The following SF3A2 variants were observed in gnomAD, a reference collection of about 807,000 sequenced individuals.
SF3A2 encodes splicing factor 3a subunit 2.
Under a neutral mutation model 31.1 loss-of-function variants are expected in SF3A2, and 5 were observed. The observed-to-expected ratio is 0.16, with a 90% CI of 0.08 to 0.34. SF3A2 has a LOEUF of 0.34. Among genes scored for constraint, SF3A2 ranks in the 10% least tolerant of loss-of-function variants. The probability of loss-of-function intolerance (pLI) is 1.00; values close to 1 mark genes in which losing one functional copy is unlikely to be tolerated. For synonymous variants in SF3A2, 365 were observed against 263.7 expected (o/e 1.38, Z -3.72); for missense variants, 577 against 643.9 (o/e 0.90, Z 1.13).
intron 1 of SF3A2, among the ~76,000 whole-genome samples, chr19:2,242,812 G>A (rs1177602438): frequency 6.6e-6 from 1 of 152,146 alleles, no homozygotes; most frequent in Admixed American, 6.5e-5. Flanking sequence ...AGCCCCCTGC[G>A]CCACAAGCAG....
rs989296786 is a variant in SF3A2 at position 2,244,447 on chromosome 19, C to T, written c.127-97C>T. 9 of 929,606 alleles carry T rather than the reference C, an allele frequency of 9.7e-6. No individual in the cohort carries two copies. In the African/African-American group the frequency reaches 1.3e-4, roughly 14 times the overall value. 57.6% of individuals were successfully genotyped at this position (929,606 alleles called of 1,614,324 possible). On this transcript the variant is annotated intron_variant, in intron 2 of 8. Coordinates refer to ENST00000221494, the MANE Select transcript of SF3A2 (RefSeq NM_007165.5). Reference sequence around the variant, plus strand: ...TGCCTCTACAGAAGGGGGGTTCTGCCTCCATGCCTCTACAGAAAGGGGATC... The same window carrying T: ...TGCCTCTACAGAAGGGGGGTTCTGCTTCCATGCCTCTACAGAAAGGGGATC...
At chr19:2,239,641 TTTC>T (rs1469830151) in intron 1 of SF3A2, among the ~76,000 whole-genome samples, 1 of 152,158 alleles carries the variant, frequency 6.6e-6, no homozygotes, top group Non-Finnish European at 1.5e-5. Context: ...TGTTTTTAAT[TTTC>T]TTGCTAATGT....
chr19:2,247,498 G>A (rs2024949499), intron 7 of SF3A2, 96 bp from the exon 8 acceptor site: 3 of 1,273,354 alleles, frequency 2.4e-6, no homozygotes, highest in African/African-American at 1.5e-5. Context: ...CCAGGGTAGA[G>A]TCCGGGCTGG....
At position 2,246,967 on chromosome 19, in the gene SF3A2, G is replaced by A; in HGVS notation, c.491G>A (p.Arg164Gln). The A allele has an allele frequency of 6.2e-7, 1 of 1,607,624 alleles. No individual in the cohort carries two copies. The highest frequency in any genetic ancestry group is 8.5e-7 in the Non-Finnish European group (1 of 1,178,704). Residue 164 changes from arginine to glutamine, a missense_variant, in exon 7 of 9, where the codon CGG (arginine) becomes CAG (glutamine). Around this residue, in one of 6 missense-constraint regions of SF3A2, gnomAD observed 37 missense variants for 85.0 expected, o/e 0.44. Transcript: ENST00000221494. This position sits in a 1 kb window ranked among gnomAD's most constrained non-coding sequence, Gnocchi z 5.5. ...GAGCAGAGGATCGAGCCTCCGGACC[G>A]GCGCTGGCAGTACCTGCTCATGGCC... is the stretch of plus-strand genomic sequence containing the variant. ...AYEQRIEPPD[R>Q]RWQYLLMAAE...
At chr19:2,241,984 T>G (rs1479155706) in intron 1 of SF3A2, among the ~76,000 whole-genome samples, 3 of 152,110 alleles carry the variant, frequency 2.0e-5, no homozygotes, top group Non-Finnish European at 2.9e-5. Flanking sequence ...GCCCAGGGAA[T>G]AAAAACTGGT....
rs45521740 is a variant in SF3A2, at chr19:2,245,623, G to A, written c.355+68G>A. 0.048 allele frequency: 55,615 copies of A among 1,170,100 alleles called. 1,516 individuals carry two copies. The highest frequency in any genetic ancestry group is 0.057 in the Non-Finnish European group (45,618 of 800,586). 72.5% of individuals were successfully genotyped at this position (1,170,100 alleles called of 1,614,324 possible). On this transcript the variant is annotated intron_variant, in intron 5 of 8. Transcript: ENST00000221494. The surrounding 1 kb of genome is among the most constrained non-coding windows in gnomAD (Gnocchi z 4.2). The stretch of plus-strand genomic sequence containing the variant: ...ACATAAGTGTGTTCTTTAGTCTCCA[G>A]TGCGGGAGGTGCAGCCCTGATAGCC...
chr19:2,248,077 A>AC lies in SF3A2; in HGVS notation c.932dup (p.Ala312SerfsTer?). ...GTCCATCCCCCAGCTCCTGGCGTCC[A>AC]CCCCCCAGCTCCTGGCGTCCATCCC... is the stretch of plus-strand genomic sequence containing the variant. On this transcript the variant is annotated frameshift_variant, in exon 9 of 9. Transcript: ENST00000221494. LOFTEE classifies it low-confidence loss of function (END_TRUNC). The AC allele has an allele frequency of 4.7e-6, 4 of 849,690 alleles. No homozygotes were observed. The highest frequency in any genetic ancestry group is 2.9e-5 in the East Asian group (1 of 34,606). 52.6% of individuals were successfully genotyped at this position (849,690 alleles called of 1,614,324 possible).
intron 1 of SF3A2, chr19:2,237,749 A>G (rs2024846320): frequency 6.6e-6 from 1 of 152,200 alleles, no homozygotes; most frequent in Non-Finnish European, 1.5e-5. Flanking sequence ...CAGTTCCCTT[A>G]AAATGGGAGT....
At chr19:2,241,339 C>G (rs982694665) in intron 1 of SF3A2, among the ~76,000 whole-genome samples, 1 of 152,162 alleles carries the variant, frequency 6.6e-6, no homozygotes, top group Non-Finnish European at 1.5e-5. Flanking sequence ...TGCTGAGATG[C>G]GTGGAGGACT....
In SF3A2 at chr19:2,248,447, T is replaced by G; in HGVS notation, c.1296T>G (p.Asn432Lys). 1 of 1,343,428 alleles carries G rather than the reference T, an allele frequency of 7.4e-7. No homozygotes were observed. 83.2% of individuals were successfully genotyped at this position (1,343,428 alleles called of 1,614,324 possible). A position where few individuals can be genotyped will look rare whatever the true frequency, so the allele number is the denominator to read the frequency against. ...HPQPPGVHPS[N>K]PGVHPPTPMP... ...AGCCTCCGGGAGTTCACCCCTCAAA[T>G]CCTGGGGTGCACCCCCCAACTCCCA... The change falls in exon 9 of 9, where the codon AAT (asparagine) becomes AAG (lysine). Residue 432 changes from asparagine (N) to lysine (K), a missense_variant. Around this residue, in one of 6 missense-constraint regions of SF3A2, gnomAD observed 462 missense variants for 339.1 expected, o/e 1.36. Transcript: ENST00000221494.
Position 2,248,167 on chromosome 19 carries a change from C to T in SF3A2, c.1016C>T (p.Pro339Leu). The T allele has an allele frequency of 1.0e-5, 15 of 1,476,986 alleles. No individual in the cohort carries two copies. Among genetic ancestry groups the T allele is most frequent in the Non-Finnish European group, 1.4e-5 (15 of 1,091,164 alleles). 91.5% of individuals were successfully genotyped at this position (1,476,986 alleles called of 1,614,324 possible). ...CCCCCAGCTCCTGGAGTCCACCCTC[C>T]AGCCCCCGGGGTTCACCCACCAGCC... Reference protein sequence around the residue: ...VHPPAPGVHPPAPGVHPPAPG... With the variant: ...VHPPAPGVHPLAPGVHPPAPG... The change falls in exon 9 of 9, where the codon CCA becomes CTA. Residue 339 changes from proline to leucine, a missense_variant. Physicochemically the swap from Pro to Leu is moderately conservative, Grantham distance 98. Coordinates refer to ENST00000221494, the MANE Select transcript of SF3A2 (RefSeq NM_007165.5).
In SF3A2 at chr19:2,245,582, C is replaced by G; in HGVS notation, c.355+27C>G. 2.0e-6 allele frequency: 3 copies of G among 1,471,574 alleles called. No homozygotes were observed. Among genetic ancestry groups the G allele is most frequent in the Non-Finnish European group, 2.8e-6 (3 of 1,074,922 alleles). 91.2% of individuals were successfully genotyped at this position (1,471,574 alleles called of 1,614,324 possible). A position where few individuals can be genotyped will look rare whatever the true frequency, so the allele number is the denominator to read the frequency against. ...TGAGTCTGCCCGCAGCGGGGCCGGCCACAGCCGCTGCCGTGACATAAGTGT... is the reference window on the plus strand; with the variant it reads ...TGAGTCTGCCCGCAGCGGGGCCGGCGACAGCCGCTGCCGTGACATAAGTGT... On this transcript the variant is annotated intron_variant, in intron 5 of 8. Transcript: ENST00000221494. This position sits in a 1 kb window ranked among gnomAD's most constrained non-coding sequence, Gnocchi z 4.2.
Position 2,244,742 on chromosome 19 carries a change from C to T in SF3A2, c.208C>T (p.Leu70=), listed in dbSNP as rs1238931172. ...LTLHNNEGSY[L]AHTQGKKHQT... ...TTCCTTTCCACTCCAGGGGAGCTAC[C>T]TGGCACATACGCAGGGGAAGAAGCA... is the stretch of plus-strand genomic sequence containing the variant. The change falls in exon 4 of 9, where the codon CTG becomes TTG. Residue 70 remains leucine (L), a synonymous_variant. Transcript: ENST00000221494. 2 of 1,614,070 alleles carry T rather than the reference C, an allele frequency of 1.2e-6. No homozygotes were observed. Among genetic ancestry groups the T allele is most frequent in the Admixed American group, 3.3e-5 (2 of 60,026 alleles).
At chr19:2,243,568 C>A in intron 2 of SF3A2, 24 bp downstream of exon 2, 1 of 1,533,220 alleles carries the variant, frequency 6.5e-7, no homozygotes, top group East Asian at 2.6e-5. Flanking sequence ...CGTGCAGCTG[C>A]CTGTGGTGGG....
rs954179416 is a variant in SF3A2 at position 2,246,574 on chromosome 19, C to T, written c.356-179C>T. Among the ~76,000 whole-genome samples the T allele has an allele frequency of 6.6e-6, 1 of 152,174 alleles. No individual in the cohort carries two copies. The highest frequency in any genetic ancestry group is 2.4e-5 in the African/African-American group (1 of 41,434). On this transcript the variant is annotated intron_variant, in intron 5 of 8. Coordinates refer to ENST00000221494, the MANE Select transcript of SF3A2 (RefSeq NM_007165.5). This position sits in a 1 kb window ranked among gnomAD's most constrained non-coding sequence, Gnocchi z 5.5. ...CGCAGGTAGCTCAGCTCTGGCGCAC[C>T]TGTGCCTTCACCTATACCAGAATCC...
At position 2,248,139 on chromosome 19, in the gene SF3A2, C is replaced by T. The variant is rs772659142; in HGVS notation, c.988C>T (p.His330Tyr). The stretch of plus-strand genomic sequence containing the variant: ...GGTCCACCCACCAACCTCTGGGGTC[C>T]ACCCCCCAGCTCCTGGAGTCCACCC... ...PGVHPPTSGV[H>Y]PPAPGVHPPA... The change falls in exon 9 of 9, where the codon CAC (histidine) becomes TAC (tyrosine). Residue 330 changes from histidine (H) to tyrosine (Y), a missense_variant. By Grantham distance (83) the His-to-Tyr change is moderately conservative (BLOSUM62 2). Transcript: ENST00000221494. 3.6e-6 allele frequency: 5 copies of T among 1,407,554 alleles called. No homozygotes were observed. The highest frequency in any genetic ancestry group is 2.9e-5 in the African/African-American group (2 of 69,456). The allele number at this position is 1,407,554 out of a possible 1,614,324, so 87.2% of individuals were successfully genotyped here.
chr19:2,243,592 A>G (rs2024908467), intron 2 of SF3A2, 48 bp downstream of exon 2: 3 of 1,496,966 alleles, frequency 2.0e-6, no homozygotes, highest in Non-Finnish European at 2.6e-6. Flanking sequence ...TGGGCTTTCC[A>G]GGGCAGCCCT....
At chr19:2,244,853 C>G (rs1030964550) in intron 4 of SF3A2, 74 bp downstream of exon 4, 1 of 1,395,818 alleles carries the variant, frequency 7.2e-7, no homozygotes, top group African/African-American at 1.4e-5. Context: ...GCCTCGCGGG[C>G]CACTGCTCCA....
intron 1 of SF3A2, among the ~76,000 whole-genome samples, chr19:2,242,164 C>A (rs779392822): frequency 6.6e-6 from 1 of 151,756 alleles, no homozygotes; most frequent in Admixed American, 6.6e-5. Context: ...TGTCCCTCAG[C>A]GTGCCCCTGC....
Sources: gnomAD v4.1 joint callset for allele counts (sites outside exome capture counted in the v4.1 genomes callset) on GRCh38, gnomAD v4.1.1 for gene constraint, gnomAD v4.1.1 regional missense constraint, Gnocchi (gnomAD v3.1) non-coding constraint, MANE v1.5 for transcripts, NCBI Gene and HGNC (gene_info 2026-07-23, HGNC 2026-07-21) for gene names.